The following GPC5 variants were observed in gnomAD, a reference collection of about 807,000 sequenced individuals.
The protein encoded by GPC5 is glypican 5.
Under a neutral mutation model 53.9 loss-of-function variants are expected in GPC5, and 47 were observed. The ratio of observed to expected loss-of-function variants is 0.87; its 90% CI spans 0.69 to 1.11. The LOEUF (loss-of-function observed/expected upper bound fraction) is 1.11, where lower values mean the gene tolerates loss of function less well. Among genes scored for constraint, GPC5 ranks in the 50% most tolerant of loss-of-function variants. The pLI is 0.00. For missense variants in GPC5, 748 were observed against 713.1 expected (o/e 1.05, Z -0.56); for synonymous variants, 286 against 263.3 (o/e 1.09, Z -0.84).
At chr13:91,436,868 C>A (rs1004153336) in intron 1 of GPC5, among the ~76,000 whole-genome samples, 16 of 152,120 alleles carry the variant, frequency 1.1e-4, no homozygotes, top group African/African-American at 3.9e-4. Context: ...AATCTGGGTG[C>A]TCCTGTATTG....
intron 6 of GPC5, among the ~76,000 whole-genome samples, chr13:92,072,817 C>G (rs549481556): frequency 2.0e-5 from 3 of 151,986 alleles, no homozygotes; most frequent in Non-Finnish European, 4.4e-5. Flanking sequence ...GCGATCTGCC[C>G]ACCTGGGCCT....
intron 2 of GPC5, among the ~76,000 whole-genome samples, chr13:91,549,081 C>A (rs377245370): frequency 1.6e-4 from 25 of 152,066 alleles, no homozygotes; most frequent in African/African-American, 5.8e-4. Context: ...CCAGCCTGGC[C>A]AATATGGTGA....
chr13:92,414,046 TACTC>T (rs1876171605), intron 7 of GPC5, among the ~76,000 whole-genome samples: 1 of 152,198 alleles, frequency 6.6e-6, no homozygotes, highest in Non-Finnish European at 1.5e-5. Context: ...ATTGGAGGGT[TACTC>T]ATTCATTAAT....
At chr13:92,271,980 C>A (rs8002072) in intron 7 of GPC5, among the ~76,000 whole-genome samples, 17,823 of 152,138 alleles carry the variant, frequency 0.12, 1,303 homozygotes, top group African/African-American at 0.21. Context: ...TGACGGGAGT[C>A]AATCATCTGA....
In GPC5 at chr13:92,067,781, G is replaced by A. The variant is rs186304477; in HGVS notation, c.1402-77049G>A. Among the ~76,000 whole-genome samples the A allele has an allele frequency of 1.4e-3, 213 of 152,036 alleles. 2 individuals are homozygous for A. The highest frequency in any genetic ancestry group is 1.5e-4 in the Non-Finnish European group (10 of 67,858). ...GTCTCCATCTCACACATGTATCTGT[G>A]TATGTGTCTATATACCCTCACTTGT... On this transcript the variant is annotated intron_variant, in intron 6 of 7. Coordinates refer to ENST00000377067, the MANE Select transcript of GPC5 (RefSeq NM_004466.6).
chr13:92,591,497 C>A (rs1362953231), intron 7 of GPC5, among the ~76,000 whole-genome samples: 1 of 152,064 alleles, frequency 6.6e-6, no homozygotes, highest in East Asian at 1.9e-4. Context: ...ATGTATTTAT[C>A]ATGTACAACA....
At chr13:91,405,532 C>T (rs562132265) in intron 1 of GPC5, among the ~76,000 whole-genome samples, 268 of 152,332 alleles carry the variant, frequency 1.8e-3, no homozygotes, top group Non-Finnish European at 2.7e-3. Context: ...GTTCACGAAA[C>T]TAGGTTACAC....
intron 7 of GPC5, among the ~76,000 whole-genome samples, chr13:92,274,964 G>GATAA (rs71120085): frequency 0.085 from 12,976 of 151,974 alleles, 613 homozygotes; most frequent in Middle Eastern, 0.12. Context: ...AAAGATGGAT[G>GATAA]ATAAAAAATT....
intron 6 of GPC5, among the ~76,000 whole-genome samples, chr13:91,992,132 G>A (rs1469078906): frequency 2.0e-5 from 3 of 151,992 alleles, no homozygotes; most frequent in Non-Finnish European, 2.9e-5. Flanking sequence ...TGAACTCCTG[G>A]GCTCAAGTGA....
chr13:92,263,702 T>C (rs985734671), intron 7 of GPC5, among the ~76,000 whole-genome samples: 2 of 152,146 alleles, frequency 1.3e-5, no homozygotes, highest in African/African-American at 4.8e-5. Flanking sequence ...TATTAACCCA[T>C]AGTGTTCAAT....
chr13:92,182,550 A>G (rs931273088), intron 7 of GPC5, among the ~76,000 whole-genome samples: 18 of 152,158 alleles, frequency 1.2e-4, no homozygotes, highest in African/African-American at 3.6e-4. Flanking sequence ...CTATTTAGTA[A>G]TTTTTCAAAA....
At chr13:92,057,966 G>A (rs1431541199) in intron 6 of GPC5, among the ~76,000 whole-genome samples, 1 of 152,066 alleles carries the variant, frequency 6.6e-6, no homozygotes. Flanking sequence ...GGTTAGTTCT[G>A]GACGGAGGCC....
At chr13:92,477,747 A>C (rs1032537873) in intron 7 of GPC5, among the ~76,000 whole-genome samples, 1 of 152,160 alleles carries the variant, frequency 6.6e-6, no homozygotes, top group Non-Finnish European at 1.5e-5. Context: ...ATACCTTGTA[A>C]TAAAGGACCT....
chr13:92,542,592 T>C (rs910878048), intron 7 of GPC5, among the ~76,000 whole-genome samples: 1 of 152,072 alleles, frequency 6.6e-6, no homozygotes, highest in African/African-American at 2.4e-5. Context: ...TTATATACTT[T>C]TGCATTTTTT....
At chr13:92,066,227 C>T (rs2041166516) in intron 6 of GPC5, among the ~76,000 whole-genome samples, 1 of 151,840 alleles carries the variant, frequency 6.6e-6, no homozygotes, top group Non-Finnish European at 1.5e-5. Flanking sequence ...ACAAGGGCTG[C>T]CATAAGCTAA....
intron 7 of GPC5, among the ~76,000 whole-genome samples, chr13:92,767,496 T>A (rs553666161): frequency 2.5e-4 from 38 of 152,078 alleles, no homozygotes; most frequent in Non-Finnish European, 4.9e-4. Flanking sequence ...AAATCTTCCT[T>A]CTTGGATTGG....
chr13:92,176,271 A>G (rs1397411700), intron 7 of GPC5, among the ~76,000 whole-genome samples: 1 of 152,206 alleles, frequency 6.6e-6, no homozygotes, highest in African/African-American at 2.4e-5. Flanking sequence ...GTTCTGTTGT[A>G]TGCTAAGGCT....
Position 91,678,945 on chromosome 13 carries a change from G to A in GPC5, c.326-14242G>A, listed in dbSNP as rs114155137. Among the ~76,000 whole-genome samples, 770 of 152,224 alleles carry A rather than the reference G, an allele frequency of 5.1e-3. 8 individuals are homozygous for A. Among genetic ancestry groups the A allele is most frequent in the African/African-American group, 0.018 (740 of 41,550 alleles). On this transcript the variant is annotated intron_variant, in intron 2 of 7. Coordinates refer to ENST00000377067, the MANE Select transcript of GPC5 (RefSeq NM_004466.6). ...GAGACTCTGCAATGTGAATCAAAGT[G>A]TATTAGTTTACTCAGTTCTGTGGAG... is the stretch of plus-strand genomic sequence containing the variant.
intron 7 of GPC5, among the ~76,000 whole-genome samples, chr13:92,655,826 C>T (rs1026261767): frequency 6.6e-6 from 1 of 152,020 alleles, no homozygotes; most frequent in African/African-American, 2.4e-5. Flanking sequence ...TACTTAAACT[C>T]TAAAATGAAA....
Sources: gnomAD v4.1 joint callset for allele counts (sites outside exome capture counted in the v4.1 genomes callset) on GRCh38, gnomAD v4.1.1 for gene constraint, MANE v1.5 for transcripts, NCBI Gene and HGNC (gene_info 2026-07-23, HGNC 2026-07-21) for gene names.